RBL1: variants seen among roughly 807,000 people sequenced by gnomAD.
The protein encoded by RBL1 is RB transcriptional corepressor like 1.
Under a neutral mutation model 123.0 loss-of-function variants are expected in RBL1, and 82 were observed. That is an observed-to-expected ratio of 0.67 (90% CI 0.56 to 0.80). RBL1 has a LOEUF of 0.80. Among genes scored for constraint, RBL1 ranks in the 30% least tolerant of loss-of-function variants. The pLI, the probability that RBL1 is intolerant of heterozygous loss-of-function variation, is 0.00. For synonymous variants in RBL1, 405 were observed against 441.3 expected (o/e 0.92, Z 1.03); for missense variants, 1,171 against 1,299.6 (o/e 0.90, Z 1.52).
intron 11 of RBL1, 97 bp downstream of exon 11, chr20:37,055,455 AT>A (rs1340251754): frequency 1.3e-6 from 2 of 1,574,802 alleles, no homozygotes; most frequent in Admixed American, 3.7e-5. Context: ...TGTGTCATAG[AT>A]TGGTGACTCC....
chr20:37,039,762 AG>A, intron 14 of RBL1, among the ~76,000 whole-genome samples: 2 of 151,876 alleles, frequency 1.3e-5, no homozygotes, highest in Non-Finnish European at 2.9e-5. Context: ...CTGGGACATG[AG>A]GGGGGTCTCA....
In RBL1 at chr20:37,032,851, G is replaced by A. The variant is rs758882251; in HGVS notation, c.2196C>T (p.Ile732=). 6.2e-7 allele frequency: 1 copy of A among 1,613,954 alleles called. No homozygotes were observed. The highest frequency in any genetic ancestry group is 1.1e-5 in the South Asian group (1 of 91,076). Residue 732 remains isoleucine, a synonymous_variant, in exon 16 of 22, where the codon ATC becomes ATT. Coordinates refer to ENST00000373664, the MANE Select transcript of RBL1 (RefSeq NM_002895.5). ...LHGVANDAGE[I]TLIPLSMNTN... ...TATTCATGGAAAGAGGTATCAGTGT[G>A]ATCTCTCCAGCATCATTTGCGACAC...
intron 10 of RBL1, 66 bp downstream of exon 10, chr20:37,056,080 G>A (rs1483102908): frequency 1.3e-6 from 2 of 1,524,574 alleles, no homozygotes; most frequent in East Asian, 4.7e-5. Flanking sequence ...GAAAAACCGT[G>A]AATTTCTAAT....
At chr20:37,013,588 A>T (rs1204851767) in intron 19 of RBL1, among the ~76,000 whole-genome samples, 2 of 151,052 alleles carry the variant, frequency 1.3e-5, no homozygotes, top group African/African-American at 4.9e-5. Context: ...TGATCAATAA[A>T]AAAAAAAAAA....
At chr20:37,027,308 T>C (rs932529409) in intron 16 of RBL1, among the ~76,000 whole-genome samples, 13 of 152,122 alleles carry the variant, frequency 8.5e-5, no homozygotes, top group African/African-American at 3.1e-4. Context: ...CTATGCACTC[T>C]AGTCTGGGCG....
chr20:37,034,411 T>TA (rs1471333868), intron 15 of RBL1, among the ~76,000 whole-genome samples: 2 of 152,172 alleles, frequency 1.3e-5, no homozygotes, highest in African/African-American at 4.8e-5. Flanking sequence ...CTTGAGCTGT[T>TA]AGTCAAAAAA....
intron 1 of RBL1, among the ~76,000 whole-genome samples, chr20:37,092,204 GTTTGGGA>G (rs996334343): frequency 2.0e-5 from 3 of 152,246 alleles, no homozygotes; most frequent in African/African-American, 7.2e-5. Context: ...AGAAAGAGTT[GTTTGGGA>G]TTAGCATCCA....
chr20:37,068,517 G>A (rs538311611), intron 2 of RBL1, among the ~76,000 whole-genome samples: 1 of 147,636 alleles, frequency 6.8e-6, no homozygotes, highest in East Asian at 2.3e-4. Context: ...CATCCCTCAA[G>A]CCTAAATTTA....
At chr20:37,033,742 G>A (rs551688585) in intron 15 of RBL1, among the ~76,000 whole-genome samples, 81 of 151,210 alleles carry the variant, frequency 5.4e-4, no homozygotes, top group African/African-American at 1.2e-3. Flanking sequence ...CTCCTGAATA[G>A]TTGGGACTAC....
chr20:37,093,611 G>C (rs1371117831), intron 1 of RBL1, among the ~76,000 whole-genome samples: 1 of 151,760 alleles, frequency 6.6e-6, no homozygotes, highest in Non-Finnish European at 1.5e-5. Context: ...TGCATTCCAG[G>C]CCTGGTCAAA....
chr20:37,081,909 C>A, intron 2 of RBL1: 1 of 439,674 alleles, frequency 2.3e-6, no homozygotes, highest in Non-Finnish European at 4.6e-6. Flanking sequence ...GCTGGCTCAG[C>A]GAGATTGGGT....
intron 21 of RBL1, among the ~76,000 whole-genome samples, chr20:37,002,432 C>T (rs2048565037): frequency 6.7e-6 from 1 of 148,252 alleles, no homozygotes; most frequent in Non-Finnish European, 1.5e-5. Context: ...CAACCTCTGC[C>T]TCCTGGGTTC....
rs1250804434 is a variant in RBL1, at chr20:37,095,697, T to C, written c.156+76A>G. ...AGGTGGGGAAACTCCCACCACCCCA[T>C]AGGCCGAGGAAGGGGCGGGGCAGGG... On this transcript the variant is annotated intron_variant, in intron 1 of 21. Transcript: ENST00000373664. The C allele has an allele frequency of 2.5e-5, 34 of 1,374,044 alleles. 1 individual carries two copies. The highest frequency in any genetic ancestry group is 7.9e-5 in the South Asian group (5 of 63,282). The allele number at this position is 1,374,044 out of a possible 1,614,324, so 85.1% of individuals were successfully genotyped here.
At position 37,065,501 on chromosome 20, in the gene RBL1, C is replaced by T. The variant is rs372788188; in HGVS notation, c.847-28G>A. 6.8e-5 allele frequency: 104 copies of T among 1,521,152 alleles called. 1 individual carries two copies. Among genetic ancestry groups the T allele is most frequent in the Non-Finnish European group, 8.9e-5 (99 of 1,107,026 alleles). The allele number at this position is 1,521,152 out of a possible 1,614,324, so 94.2% of individuals were successfully genotyped here. A position where few individuals can be genotyped will look rare whatever the true frequency, so the allele number is the denominator to read the frequency against. On this transcript the variant is annotated intron_variant, in intron 6 of 21. Transcript: ENST00000373664. ...GTGAACAAAAAATTATTTTGGGACA[C>T]CATATAATTAAGCATATTAATACAC... is the stretch of plus-strand genomic sequence containing the variant.
intron 2 of RBL1, among the ~76,000 whole-genome samples, chr20:37,082,599 T>G (rs2065470529): frequency 6.6e-6 from 1 of 152,184 alleles, no homozygotes; most frequent in Non-Finnish European, 1.5e-5. Context: ...AGGATGGTTG[T>G]GTCCGTATTG....
intron 2 of RBL1, among the ~76,000 whole-genome samples, chr20:37,085,811 A>G (rs1343184284): frequency 2.7e-5 from 4 of 150,840 alleles, no homozygotes; most frequent in Admixed American, 6.6e-5. Flanking sequence ...CCACCTGGCT[A>G]ATTTTGTTTT....
chr20:37,066,924 T>A (rs781142781), intron 5 of RBL1, 40 bp from the exon 6 acceptor site: 6 of 1,593,574 alleles, frequency 3.8e-6, no homozygotes, highest in Non-Finnish European at 5.1e-6. Flanking sequence ...GAAAAAAAAA[T>A]AGTCAACTTT....
chr20:37,009,900 C>A (rs2146207329), intron 19 of RBL1, among the ~76,000 whole-genome samples: 1 of 152,010 alleles, frequency 6.6e-6, no homozygotes, highest in East Asian at 1.9e-4. Context: ...TGGCATGCAC[C>A]TTTAGCCCTA....
chr20:37,061,143 G>C lies in RBL1; in HGVS notation c.1210C>G (p.Leu404Val). The change falls in exon 9 of 22, where the codon CTG becomes GTG. Residue 404 changes from leucine (L) to valine (V), a missense_variant. By Grantham distance (32) the Leu-to-Val change is conservative (BLOSUM62 1). Coordinates refer to ENST00000373664, the MANE Select transcript of RBL1 (RefSeq NM_002895.5). ...VSRLQSIVAG[L>V]KNAPSDQLIN... is the part of the protein sequence containing the mutation. Reference sequence around the variant, plus strand: ...AGTTGGTCACTTGGTGCATTTTTCAGACCAGCCACAATACTCTGTAACCGG... The same window carrying C: ...AGTTGGTCACTTGGTGCATTTTTCACACCAGCCACAATACTCTGTAACCGG... The C allele has an allele frequency of 6.2e-7, 1 of 1,611,446 alleles. No individual in the cohort carries two copies. The highest frequency in any genetic ancestry group is 8.5e-7 in the Non-Finnish European group (1 of 1,178,528).
Sources: gnomAD v4.1 joint callset for allele counts (sites outside exome capture counted in the v4.1 genomes callset) on GRCh38, gnomAD v4.1.1 for gene constraint, MANE v1.5 for transcripts, NCBI Gene and HGNC (gene_info 2026-07-23, HGNC 2026-07-21) for gene names.